OR3A1: variants seen among roughly 807,000 people sequenced by gnomAD.
OR3A1 encodes olfactory receptor 3A1.
For synonymous variants in OR3A1, 145 were observed against 160.0 expected (o/e 0.91, Z 0.71); for missense variants, 402 against 393.8 (o/e 1.02, Z -0.18).
In OR3A1 at chr17:3,292,237, A is replaced by G; in HGVS notation, c.346T>C (p.Phe116Leu). 1 of 1,614,170 alleles carries G rather than the reference A, an allele frequency of 6.2e-7. No homozygotes were observed. Among genetic ancestry groups the G allele is most frequent in the Middle Eastern group, 1.6e-4 (1 of 6,062 alleles). ...TCATAGGCCATGGCGGTCAGCAGGA[A>G]GCAGTCCACTCCAACGAACAGATGG... Reference protein sequence around the residue: ...FFHLFVGVDCFLLTAMAYDRF... With the variant: ...FFHLFVGVDCLLLTAMAYDRF... Residue 116 changes from phenylalanine (F) to leucine (L), a missense_variant, in exon 2 of 2, where the codon TTC (phenylalanine) becomes CTC (leucine). Physicochemically the swap from Phe to Leu is conservative, Grantham distance 22 (BLOSUM62 0). Coordinates refer to ENST00000323404, the MANE Select transcript of OR3A1 (RefSeq NM_002550.3).
intron 1 of OR3A1, among the ~76,000 whole-genome samples, chr17:3,295,960 G>T (rs1167555389): frequency 2.0e-5 from 3 of 152,068 alleles, no homozygotes; most frequent in African/African-American, 7.2e-5. Flanking sequence ...GGTAACAGTG[G>T]ATTTTAGTGA....
Position 3,291,511 on chromosome 17 carries a change from CA to C in OR3A1, c.*123del. On this transcript the variant is annotated 3_prime_UTR_variant, in exon 2 of 2. Transcript: ENST00000323404. ...CAGAAATGAAAACTATTATTCCCTA[CA>C]AAAAGTCCTTCTTATGCCCATGAAA... 1 of 691,476 alleles carries C rather than the reference CA, an allele frequency of 1.4e-6. No individual in the cohort carries two copies. The highest frequency in any genetic ancestry group is 2.7e-5 in the East Asian group (1 of 37,100). 42.8% of individuals were successfully genotyped at this position (691,476 alleles called of 1,614,324 possible).
Position 3,292,420 on chromosome 17 carries a change from C to CCA in OR3A1, c.161_162dup (p.Glu55TrpfsTer32). The CCA allele has an allele frequency of 6.2e-7, 1 of 1,613,972 alleles. No individual in the cohort carries two copies. Among genetic ancestry groups the CCA allele is most frequent in the South Asian group, 1.1e-5 (1 of 91,046 alleles). Reference sequence around the variant, plus strand: ...TACATGGGGGTGTGGAGTTTGGGCTCCACCAAGACAGCTGCCAGGATGCTG... The same window carrying CCA: ...TACATGGGGGTGTGGAGTTTGGGCTCCACACCAAGACAGCTGCCAGGATGCTG... On this transcript the variant is annotated frameshift_variant, in exon 2 of 2. Coordinates refer to ENST00000323404, the MANE Select transcript of OR3A1 (RefSeq NM_002550.3). LOFTEE classifies it low-confidence loss of function (END_TRUNC).
Position 3,291,990 on chromosome 17 carries a change from T to C in OR3A1, c.593A>G (p.Asn198Ser), listed in dbSNP as rs756125151. ...FQLSCSSTQL[N>S]ELLLFAVGFI... ...ACCCACAGCAAAAAGCAGCAGCTCA[T>C]TGAGTTGGGTGCTGGAGCAGGAGAG... is the stretch of plus-strand genomic sequence containing the variant. The change falls in exon 2 of 2, where the codon AAT (asparagine) becomes AGT (serine). Residue 198 changes from asparagine (N) to serine (S), a missense_variant. Transcript: ENST00000323404. 68 of 1,614,024 alleles carry C rather than the reference T, an allele frequency of 4.2e-5. 1 individual carries two copies. Among genetic ancestry groups the C allele is most frequent in the Non-Finnish European group, 5.3e-5 (62 of 1,180,026 alleles).
rs567708340 is a variant in OR3A1 at position 3,291,648 on chromosome 17, C to A, written c.935G>T (p.Arg312Leu). The change falls in exon 2 of 2, where the codon CGG becomes CTG. Residue 312 changes from arginine to leucine, a missense_variant. Physicochemically the swap from Arg to Leu is moderately radical, Grantham distance 102. Transcript: ENST00000323404. ...ATTGAGACCTCCTCAAGCCAGTGAC[C>A]GCCTCCCTGTGAGCATCCTCCAGAT... ...SAIWRMLTGR[R>L]SLA 5 of 1,597,278 alleles carry A rather than the reference C, an allele frequency of 3.1e-6. No individual in the cohort carries two copies. Among genetic ancestry groups the A allele is most frequent in the South Asian group, 1.1e-5 (1 of 90,048 alleles).
chr17:3,292,492 A>G lies in OR3A1; in HGVS notation c.91T>C (p.Phe31Leu), dbSNP rs140478420. Residue 31 changes from phenylalanine (F) to leucine (L), a missense_variant, in exon 2 of 2, where the codon TTT (phenylalanine) becomes CTT (leucine). Phe to Leu is a conservative substitution (Grantham distance 22). Transcript: ENST00000323404. ...LEAPGLQPVV[F>L]VLFLFAYLVT... is the part of the protein sequence containing the mutation. The stretch of plus-strand genomic sequence containing the variant: ...AGGTAGGCAAAGAGGAAGAGCACAA[A>G]GACAACTGGCTGCAGCCCTGGCGCC... 7.3e-4 allele frequency: 1,181 copies of G among 1,613,666 alleles called. 1 individual carries two copies. Among genetic ancestry groups the G allele is most frequent in the Non-Finnish European group, 9.6e-4 (1,130 of 1,179,962 alleles).
rs912103658 is a variant in OR3A1 at position 3,291,928 on chromosome 17, T to C, written c.655A>G (p.Ile219Val). ...GCAGCTGCCACGTGGATATAGGAGA[T>C]GACAATGAGAGCCATGGGGGTACCT... ...MAGTPMALIVISYIHVAAAVL... is the reference protein window; with the variant it reads ...MAGTPMALIVVSYIHVAAAVL... The change falls in exon 2 of 2, where the codon ATC (isoleucine) becomes GTC (valine). Residue 219 changes from isoleucine to valine, a missense_variant. Coordinates refer to ENST00000323404, the MANE Select transcript of OR3A1 (RefSeq NM_002550.3). The C allele has an allele frequency of 1.2e-6, 2 of 1,613,938 alleles. No homozygotes were observed. The highest frequency in any genetic ancestry group is 1.7e-5 in the Admixed American group (1 of 59,992).
At chr17:3,297,023 CAG>C (rs1020577676) in intron 1 of OR3A1, among the ~76,000 whole-genome samples, 6 of 152,192 alleles carry the variant, frequency 3.9e-5, no homozygotes, top group East Asian at 1.9e-4. Flanking sequence ...CTGGGCCCTG[CAG>C]AGATTCCCTT....
In OR3A1 at chr17:3,292,508, C is replaced by T. The variant is rs370638388; in HGVS notation, c.75G>A (p.Gly25=). 6.8e-6 allele frequency: 11 copies of T among 1,613,806 alleles called. No individual in the cohort carries two copies. In the African/African-American group the frequency reaches 1.5e-4, roughly 22 times the overall value. The stretch of plus-strand genomic sequence containing the variant: ...AGAGCACAAAGACAACTGGCTGCAG[C>T]CCTGGCGCCTCCAGCAAGCCCAGCA... ...FILLGLLEAP[G]LQPVVFVLFL... Residue 25 remains glycine (G), a synonymous_variant, in exon 2 of 2, where the codon GGG becomes GGA. Coordinates refer to ENST00000323404, the MANE Select transcript of OR3A1 (RefSeq NM_002550.3).
intron 1 of OR3A1, among the ~76,000 whole-genome samples, chr17:3,293,912 T>C (rs2150623026): frequency 6.6e-6 from 1 of 152,106 alleles, no homozygotes; most frequent in African/African-American, 2.4e-5. Flanking sequence ...ACAATGAGAA[T>C]ACATGTACAC....
In OR3A1 at chr17:3,292,251, A is replaced by C. The variant is rs761970734; in HGVS notation, c.332T>G (p.Val111Gly). Residue 111 changes from valine (V) to glycine (G), a missense_variant, in exon 2 of 2, where the codon GTT (valine) becomes GGT (glycine). By Grantham distance (109) the Val-to-Gly change is moderately radical. Coordinates refer to ENST00000323404, the MANE Select transcript of OR3A1 (RefSeq NM_002550.3). ...LTQLFFFHLF[V>G]GVDCFLLTAM... ...GGTCAGCAGGAAGCAGTCCACTCCA[A>C]CGAACAGATGGAAGAAGAAGAGCTG... 1 of 1,614,038 alleles carries C rather than the reference A, an allele frequency of 6.2e-7. No individual in the cohort carries two copies. The highest frequency in any genetic ancestry group is 1.1e-5 in the South Asian group (1 of 91,070).
rs778158296 is a variant in OR3A1, at chr17:3,292,457, G to C, written c.126C>G (p.Val42=). 2.5e-6 allele frequency: 4 copies of C among 1,613,472 alleles called. No homozygotes were observed. The highest frequency in any genetic ancestry group is 3.4e-6 in the Non-Finnish European group (4 of 1,179,828). ...CTGCCAGGATGCTGAGGTTGCCCCT[G>C]ACCGTGACCAGGTAGGCAAAGAGGA... ...VLFLFAYLVT[V]RGNLSILAAV... is the part of the protein sequence containing the mutation. The change falls in exon 2 of 2, where the codon GTC becomes GTG. Residue 42 remains valine (V), a synonymous_variant. Coordinates refer to ENST00000323404, the MANE Select transcript of OR3A1 (RefSeq NM_002550.3).
Position 3,291,932 on chromosome 17 carries a change from A to T in OR3A1, c.651T>A (p.Ile217=). 6.2e-7 allele frequency: 1 copy of T among 1,614,228 alleles called. No homozygotes were observed. Among genetic ancestry groups the T allele is most frequent in the Non-Finnish European group, 8.5e-7 (1 of 1,180,036 alleles). Residue 217 remains isoleucine, a synonymous_variant, in exon 2 of 2, where the codon ATT becomes ATA. Transcript: ENST00000323404. The part of the protein sequence containing the change: ...FIMAGTPMAL[I]VISYIHVAAA... ...CTGCCACGTGGATATAGGAGATGAC[A>T]ATGAGAGCCATGGGGGTACCTGCCA... is the stretch of plus-strand genomic sequence containing the variant.
chr17:3,295,317 C>T (rs929656275), intron 1 of OR3A1, among the ~76,000 whole-genome samples: 4 of 151,836 alleles, frequency 2.6e-5, no homozygotes, highest in Non-Finnish European at 4.4e-5. Flanking sequence ...AAATAAATTA[C>T]ATGGTATAGG....
At position 3,291,468 on chromosome 17, in the gene OR3A1, A is replaced by T; in HGVS notation, c.*167T>A. 1 of 580,260 alleles carries T rather than the reference A, an allele frequency of 1.7e-6. No individual in the cohort carries two copies. Among genetic ancestry groups the T allele is most frequent in the Non-Finnish European group, 3.0e-6 (1 of 335,370 alleles). 35.9% of individuals were successfully genotyped at this position (580,260 alleles called of 1,614,324 possible). On this transcript the variant is annotated 3_prime_UTR_variant, in exon 2 of 2. Transcript: ENST00000323404. ...AGATCCTATACACTCATTGCTTATA[A>T]TTGGACAGGGCTGCTTTCAGAAATG...
chr17:3,292,933 A>G (rs1404886186), intron 1 of OR3A1, among the ~76,000 whole-genome samples: 4 of 152,096 alleles, frequency 2.6e-5, no homozygotes, highest in Non-Finnish European at 4.4e-5. Context: ...ATGGCCGAGT[A>G]AATCCAAAAT....
chr17:3,296,634 G>A (rs867707550), intron 1 of OR3A1, among the ~76,000 whole-genome samples: 72 of 151,974 alleles, frequency 4.7e-4, no homozygotes, highest in African/African-American at 1.7e-3. Context: ...AGATTAAAAA[G>A]TACTTACAAA....
chr17:3,294,438 TGAGAA>T (rs1206492781), intron 1 of OR3A1, among the ~76,000 whole-genome samples: 6 of 151,806 alleles, frequency 4.0e-5, no homozygotes, highest in Admixed American at 1.3e-4. Context: ...ATGACAGATA[TGAGAA>T]AAGACAAAGG....
chr17:3,292,148 C>A lies in OR3A1; in HGVS notation c.435G>T (p.Arg145Ser), dbSNP rs772770547. The A allele has an allele frequency of 6.2e-7, 1 of 1,614,116 alleles. No homozygotes were observed. Among genetic ancestry groups the A allele is most frequent in the East Asian group, 2.2e-5 (1 of 44,878 alleles). The change falls in exon 2 of 2, where the codon AGG becomes AGT. Residue 145 changes from arginine to serine, a missense_variant. Physicochemically the swap from Arg to Ser is moderately radical, Grantham distance 110. Transcript: ENST00000323404. ...AAGCCCAGGACGCAGCCACCAACAT[C>A]CTCTGGACTGTCTGACTCATGCGGG... ...YSTRMSQTVQ[R>S]MLVAASWACA...
Sources: allele counts gnomAD v4.1 joint callset (sites outside exome capture counted in the v4.1 genomes callset), GRCh38; gene constraint gnomAD v4.1.1; transcripts MANE v1.5; gene names NCBI Gene and HGNC (gene_info 2026-07-23, HGNC 2026-07-21).